Variants in HIBCH observed in about 807,000 individuals in gnomAD.
HIBCH encodes the protein 3-hydroxyisobutyryl-CoA hydrolase, mitochondrial.
A neutral mutation model predicts 58.2 loss-of-function variants in HIBCH; 50 were observed. The observed-to-expected ratio is 0.86, with a 90% CI of 0.68 to 1.09. The LOEUF (loss-of-function observed/expected upper bound fraction) is 1.09, where lower values mean the gene tolerates loss of function less well. Among genes scored for constraint, HIBCH ranks in the 50% least tolerant of loss-of-function variants. HIBCH has a pLI of 0.00. For synonymous variants in HIBCH, 151 were observed against 146.9 expected (o/e 1.03, Z -0.20); for missense variants, 450 against 449.7 (o/e 1.00, Z -0.01).
At chr2:190,222,965 T>C (rs529279609) in intron 11 of HIBCH, among the ~76,000 whole-genome samples, 1 of 152,330 alleles carries the variant, frequency 6.6e-6, no homozygotes, top group South Asian at 2.1e-4. Flanking sequence ...GTTCATGTCT[T>C]TTGCAAGGAC....
intron 1 of HIBCH, among the ~76,000 whole-genome samples, chr2:190,316,723 G>C (rs1477147845): frequency 6.6e-6 from 1 of 152,112 alleles, no homozygotes; most frequent in African/African-American, 2.4e-5. Context: ...CTGCATTCAG[G>C]CTCATGATTC....
At chr2:190,255,731 T>C (rs1559036784) in intron 7 of HIBCH, among the ~76,000 whole-genome samples, 1 of 152,032 alleles carries the variant, frequency 6.6e-6, no homozygotes, top group Non-Finnish European at 1.5e-5. Flanking sequence ...CCAAGACAGC[T>C]AGAATTCCCA....
At chr2:190,257,495 G>T (rs1037858007) in intron 7 of HIBCH, among the ~76,000 whole-genome samples, 3 of 151,738 alleles carry the variant, frequency 2.0e-5, no homozygotes, top group Admixed American at 6.6e-5. Context: ...CCTCTAACTA[G>T]ATTGATCAGG....
rs980278395 is a variant in HIBCH at position 190,300,414 on chromosome 2, A to G, written c.79-3461T>C. On this transcript the variant is annotated intron_variant, in intron 2 of 13. Coordinates refer to ENST00000359678, the MANE Select transcript of HIBCH (RefSeq NM_014362.4). ...TTTGTTTTGCATTTCTCTAATGATC[A>G]GTGATACTGAGCTTTTTTTTTTTTA... Among the ~76,000 whole-genome samples, 4 of 151,112 alleles carry G rather than the reference A, an allele frequency of 2.6e-5. No homozygotes were observed. In the East Asian group the frequency reaches 5.8e-4, roughly 22 times the overall value.
chr2:190,314,335 ATACATATATATGTG>A (rs1688646440), intron 1 of HIBCH, among the ~76,000 whole-genome samples: 1 of 104,220 alleles, frequency 9.6e-6, no homozygotes, highest in Non-Finnish European at 2.0e-5. Flanking sequence ...ATATGTATAT[ATACATATATATGTG>A]TATATATACG....
intron 11 of HIBCH, among the ~76,000 whole-genome samples, chr2:190,240,147 T>C (rs1425227757): frequency 1.3e-5 from 2 of 152,226 alleles, no homozygotes; most frequent in East Asian, 3.8e-4. Context: ...TTTTGGTTGG[T>C]AGGCCATTAA....
intron 11 of HIBCH, among the ~76,000 whole-genome samples, chr2:190,226,819 C>G (rs1026085088): frequency 6.6e-6 from 1 of 152,084 alleles, no homozygotes; most frequent in Non-Finnish European, 1.5e-5. Context: ...TGAGTGAACT[C>G]CCATTCACAA....
intron 11 of HIBCH, among the ~76,000 whole-genome samples, chr2:190,242,129 T>C (rs1319939847): frequency 1.3e-5 from 2 of 152,058 alleles, no homozygotes. Flanking sequence ...TTTCACATAG[T>C]CCTACATTTC....
chr2:190,302,718 C>T (rs1559062400), intron 2 of HIBCH, among the ~76,000 whole-genome samples: 2 of 152,130 alleles, frequency 1.3e-5, no homozygotes. Context: ...CATTTTTAAG[C>T]TTTCTCTGGG....
In HIBCH at chr2:190,315,168, T is replaced by A. The variant is rs74378354; in HGVS notation, c.36-4372A>T. On this transcript the variant is annotated intron_variant, in intron 1 of 13. Transcript: ENST00000359678. The surrounding 1 kb of genome is among the most constrained non-coding windows in gnomAD (Gnocchi z 5.4). ...TTCACCATGTTAGCCAGCATGGTCA[T>A]GATCTCCTGACTTCTTTCTTGATCC... 0.012 allele frequency among the ~76,000 whole-genome samples: 1,792 copies of A among 152,062 alleles called. 33 individuals carry two copies. The South Asian group carries it at 0.12, about 10-fold the overall frequency.
chr2:190,285,006 C>T (rs1177883295), intron 6 of HIBCH, among the ~76,000 whole-genome samples: 1 of 152,106 alleles, frequency 6.6e-6, no homozygotes, highest in African/African-American at 2.4e-5. Context: ...TAGTCATTAC[C>T]TCAAAACATT....
chr2:190,296,879 T>C lies in HIBCH; in HGVS notation c.153A>G (p.Leu51=), dbSNP rs768948062. 3.7e-6 allele frequency: 6 copies of C among 1,613,844 alleles called. No individual in the cohort carries two copies. In the African/African-American group the frequency reaches 5.3e-5, roughly 14 times the overall value. ...EKKGCTGVIT[L]NRPKFLNALT... ...GTGCATTGAGGAACTTTGGTCTGTT[T>C]AGTGTTATGACTCCCGTGCAACCTT... Residue 51 remains leucine, a synonymous_variant, in exon 3 of 14, where the codon CTA becomes CTG. Coordinates refer to ENST00000359678, the MANE Select transcript of HIBCH (RefSeq NM_014362.4).
chr2:190,192,654 T>C (rs1386610487), intron 1 of HIBCH, among the ~76,000 whole-genome samples: 3 of 152,090 alleles, frequency 2.0e-5, no homozygotes, highest in Non-Finnish European at 1.5e-5. Flanking sequence ...TGAACAGCAT[T>C]TGTCTGTTTG....
chr2:190,230,400 G>A (rs948548131), intron 11 of HIBCH, among the ~76,000 whole-genome samples: 6 of 152,278 alleles, frequency 3.9e-5, no homozygotes, highest in East Asian at 1.9e-4. Flanking sequence ...TAAAAGTCAC[G>A]TATTCTTTAT....
intron 7 of HIBCH, among the ~76,000 whole-genome samples, chr2:190,258,856 A>C (rs1194160760): frequency 6.6e-6 from 1 of 152,182 alleles, no homozygotes; most frequent in Admixed American, 6.5e-5. Context: ...AGTTTTTCTG[A>C]CATCATTTAT....
At chr2:190,296,022 C>T (rs546751393) in intron 3 of HIBCH, among the ~76,000 whole-genome samples, 86 of 152,336 alleles carry the variant, frequency 5.6e-4, no homozygotes, top group African/African-American at 1.8e-3. Context: ...TAGAAATCCA[C>T]GTTTCAAACC....
At chr2:190,284,388 A>C (rs1264679309) in intron 6 of HIBCH, among the ~76,000 whole-genome samples, 1 of 152,222 alleles carries the variant, frequency 6.6e-6, no homozygotes, top group Admixed American at 6.5e-5. Flanking sequence ...TGTAAAAAAA[A>C]AATGGAAGTT....
rs1036631466 is a variant in HIBCH at position 190,279,039 on chromosome 2, T to C, written c.438+8547A>G. ...CTATGTCTTACAGCTCTTCTGGAGA[T>C]TGGGAAAGCCAAGGTTGAAGGGCCA... On this transcript the variant is annotated intron_variant, in intron 6 of 13. Transcript: ENST00000359678. The surrounding 1 kb of genome is among the most constrained non-coding windows in gnomAD (Gnocchi z 4.2). Among the ~76,000 whole-genome samples the C allele has an allele frequency of 3.3e-5, 5 of 152,198 alleles. No individual in the cohort carries two copies. The highest frequency in any genetic ancestry group is 7.3e-5 in the Non-Finnish European group (5 of 68,044).
Position 190,254,548 on chromosome 2 carries a change from A to G in HIBCH, c.518-2241T>C, listed in dbSNP as rs1248376291. 6.6e-6 allele frequency among the ~76,000 whole-genome samples: 1 copy of G among 152,196 alleles called. No individual in the cohort carries two copies. The highest frequency in any genetic ancestry group is 2.4e-5 in the African/African-American group (1 of 41,440). Reference sequence around the variant, plus strand: ...TCTCCCGTGAACACTGAACTCTTAGATCTGCCACCTAAACAGAACCACATA... The same window carrying G: ...TCTCCCGTGAACACTGAACTCTTAGGTCTGCCACCTAAACAGAACCACATA... On this transcript the variant is annotated intron_variant, in intron 7 of 13. Coordinates refer to ENST00000359678, the MANE Select transcript of HIBCH (RefSeq NM_014362.4). The surrounding 1 kb of genome is among the most constrained non-coding windows in gnomAD (Gnocchi z 5.0).
Sources: allele counts gnomAD v4.1 joint callset (sites outside exome capture counted in the v4.1 genomes callset), GRCh38; gene constraint gnomAD v4.1.1; non-coding constraint Gnocchi (gnomAD v3.1); transcripts MANE v1.5; gene names NCBI Gene and HGNC (gene_info 2026-07-23, HGNC 2026-07-21).